The following AFF4 variants were observed in gnomAD, a reference collection of about 807,000 sequenced individuals.
AFF4 encodes the protein AF4/FMR2 family member 4.
AFF4 carries 13 observed loss-of-function variants against 124.8 expected under a neutral mutation model. That is an observed-to-expected ratio of 0.10 (90% confidence interval 0.07 to 0.17). AFF4 has a LOEUF of 0.17. Among genes scored for constraint, AFF4 ranks in the 10% least tolerant of loss-of-function variants. The pLI is 1.00. For synonymous variants in AFF4, 477 were observed against 496.1 expected (o/e 0.96, Z 0.51); for missense variants, 1,092 against 1,403.8 (o/e 0.78, Z 3.55).
chr5:132,900,586 C>A (rs1760527511), intron 7 of AFF4, among the ~76,000 whole-genome samples: 1 of 151,908 alleles, frequency 6.6e-6, no homozygotes, highest in South Asian at 2.1e-4. Context: ...ACAAAAAAAA[C>A]TCCCAAGTTC....
intron 1 of AFF4, among the ~76,000 whole-genome samples, chr5:132,953,524 A>G (rs1761888693): frequency 6.6e-6 from 1 of 152,132 alleles, no homozygotes; most frequent in South Asian, 2.1e-4. Context: ...TGCTGGGATT[A>G]CAAGAACTTT....
At chr5:132,889,781 C>T (rs1396578203) in intron 13 of AFF4, among the ~76,000 whole-genome samples, 1 of 152,116 alleles carries the variant, frequency 6.6e-6, no homozygotes, top group Non-Finnish European at 1.5e-5. Context: ...TTAAACTTTA[C>T]TCTGCCTCTC....
chr5:132,931,691 C>G (rs1366849189), intron 4 of AFF4, among the ~76,000 whole-genome samples: 1 of 152,214 alleles, frequency 6.6e-6, no homozygotes, highest in East Asian at 1.9e-4. Context: ...CGCGGTGACT[C>G]ACACCTGTAA....
chr5:132,884,725 A>C (rs1483826187), intron 19 of AFF4, among the ~76,000 whole-genome samples: 2 of 152,210 alleles, frequency 1.3e-5, no homozygotes, highest in Non-Finnish European at 2.9e-5. Context: ...GAGAAATCAC[A>C]ATCATGTCAT....
intron 13 of AFF4, among the ~76,000 whole-genome samples, chr5:132,889,984 G>A (rs899245059): frequency 5.9e-5 from 9 of 151,888 alleles, no homozygotes; most frequent in African/African-American, 2.2e-4. Context: ...AAAGAGCTAT[G>A]ACTCTCTCTC....
intron 5 of AFF4, among the ~76,000 whole-genome samples, chr5:132,920,348 G>A (rs535984107): frequency 1.2e-3 from 171 of 142,302 alleles, no homozygotes; most frequent in Non-Finnish European, 2.0e-3. Flanking sequence ...CCAGCCCAGC[G>A]GGCAAACATT....
intron 5 of AFF4, among the ~76,000 whole-genome samples, chr5:132,905,633 T>A (rs1484548304): frequency 3.3e-5 from 5 of 152,128 alleles, no homozygotes; most frequent in Non-Finnish European, 7.4e-5. Context: ...GCTGGGCCTT[T>A]ATATCACATC....
chr5:132,924,330 A>C (rs1339071606), intron 5 of AFF4, among the ~76,000 whole-genome samples: 1 of 152,230 alleles, frequency 6.6e-6, no homozygotes, highest in African/African-American at 2.4e-5. Context: ...AATACTGAGC[A>C]AAAGAAAGTA....
intron 2 of AFF4, among the ~76,000 whole-genome samples, chr5:132,936,609 A>G (rs537604863): frequency 6.6e-6 from 1 of 152,320 alleles, no homozygotes; most frequent in African/African-American, 2.4e-5. Context: ...GAAAAATCAA[A>G]CAATGCAAAT....
chr5:132,880,635 G>A lies in AFF4; in HGVS notation c.*424C>T, dbSNP rs113481875. 3 of 331,334 alleles carry A rather than the reference G, an allele frequency of 9.1e-6. No homozygotes were observed. Among genetic ancestry groups the A allele is most frequent in the African/African-American group, 4.2e-5 (2 of 47,620 alleles). 20.5% of individuals were successfully genotyped at this position (331,334 alleles called of 1,614,324 possible). On this transcript the variant is annotated 3_prime_UTR_variant, in exon 21 of 21. Transcript: ENST00000265343. ...GATATTAGGTAATAAAGCTCCCAAG[G>A]TATATAAATAAAAATGTCTACATTA...
chr5:132,956,555 C>G (rs1041498791), intron 1 of AFF4, among the ~76,000 whole-genome samples: 1 of 150,578 alleles, frequency 6.6e-6, no homozygotes, highest in Non-Finnish European at 1.5e-5. Flanking sequence ...TCACTTGAAC[C>G]TGGGAGGCAG....
intron 5 of AFF4, among the ~76,000 whole-genome samples, chr5:132,912,187 A>C (rs918215165): frequency 1.3e-5 from 2 of 151,440 alleles, no homozygotes; most frequent in East Asian, 1.9e-4. Context: ...AAAAAAAAAA[A>C]AAAAACATTT....
rs777821542 is a variant in AFF4 at position 132,934,436 on chromosome 5, G to C, written c.629C>G (p.Ser210Cys). 9.9e-6 allele frequency: 16 copies of C among 1,614,036 alleles called. No individual in the cohort carries two copies. In the East Asian group the frequency reaches 1.8e-4, roughly 18 times the overall value. ...NDHHSKEHQR[S>C]KSPRDPDANW... ...TGCATCAGGGTCCCGAGGTGATTTG[G>C]AGCGTTGATGTTCCTTGCTATGGTG... is the stretch of plus-strand genomic sequence containing the variant. Residue 210 changes from serine to cysteine, a missense_variant, in exon 3 of 21, where the codon TCC (serine) becomes TGC (cysteine). Physicochemically the swap from Ser to Cys is moderately radical, Grantham distance 112. Around this residue, in one of 11 missense-constraint regions of AFF4, gnomAD observed 188 missense variants for 203.0 expected, o/e 0.93. Coordinates refer to ENST00000265343, the MANE Select transcript of AFF4 (RefSeq NM_014423.4).
chr5:132,927,350 C>A, intron 4 of AFF4, 143 bp from the exon 5 acceptor site: 1 of 667,844 alleles, frequency 1.5e-6, no homozygotes, highest in Non-Finnish European at 2.6e-6. Context: ...ATATTAAGCA[C>A]AATTGTGTGC....
Position 132,875,997 on chromosome 5 carries a change from AAAT to A in AFF4, c.*5059_*5061del, listed in dbSNP as rs1759828782. Reference sequence around the variant, plus strand: ...CCCAAATATCAAACAATTATATACCAAATAATTTTAATTTCAAATAAAAGGATT... The same window carrying A: ...CCCAAATATCAAACAATTATATACCAAATTTTAATTTCAAATAAAAGGATT... On this transcript the variant is annotated 3_prime_UTR_variant, in exon 21 of 21. Transcript: ENST00000265343. The A allele has an allele frequency of 4.4e-6, 1 of 225,094 alleles. No individual in the cohort carries two copies. The highest frequency in any genetic ancestry group is 8.9e-6 in the Non-Finnish European group (1 of 112,950). 13.9% of individuals were successfully genotyped at this position (225,094 alleles called of 1,614,324 possible). A position where few individuals can be genotyped will look rare whatever the true frequency, so the allele number is the denominator to read the frequency against.
At chr5:132,890,300 C>CA (rs1216595296) in intron 13 of AFF4, among the ~76,000 whole-genome samples, 3 of 152,028 alleles carry the variant, frequency 2.0e-5, no homozygotes, top group Non-Finnish European at 2.9e-5. Context: ...GAAAGGGTCT[C>CA]ACTCTGTCGC....
intron 2 of AFF4, among the ~76,000 whole-genome samples, chr5:132,936,256 G>A (rs1184402558): frequency 1.1e-5 from 1 of 93,600 alleles, no homozygotes; most frequent in African/African-American, 4.4e-5. Flanking sequence ...GACAGAGCAA[G>A]ACTCCGTCTC....
At position 132,903,379 on chromosome 5, in the gene AFF4, A is replaced by C. The variant is rs540803703; in HGVS notation, c.1088-892T>G. Among the ~76,000 whole-genome samples the C allele has an allele frequency of 5.3e-5, 8 of 152,366 alleles. 1 individual carries two copies. Among genetic ancestry groups the C allele is most frequent in the East Asian group, 3.9e-4 (2 of 5,188 alleles). On this transcript the variant is annotated intron_variant, in intron 6 of 20. Transcript: ENST00000265343. ...TCACTGAAGATAAACTAAGGATCAA[A>C]AAGTTCCACATTTTCATTTCCAAAA...
intron 3 of AFF4, among the ~76,000 whole-genome samples, chr5:132,933,214 A>G (rs1374179834): frequency 6.6e-6 from 1 of 152,150 alleles, no homozygotes; most frequent in African/African-American, 2.4e-5. Flanking sequence ...CCTGACCAAC[A>G]TGGTGAAACC....
Sources: allele counts gnomAD v4.1 joint callset (sites outside exome capture counted in the v4.1 genomes callset), GRCh38; gene constraint gnomAD v4.1.1; regional missense constraint gnomAD v4.1.1; transcripts MANE v1.5; gene names NCBI Gene and HGNC (gene_info 2026-07-23, HGNC 2026-07-21).